Variants in GAS7 observed in about 807,000 individuals in gnomAD.
GAS7 encodes the protein growth arrest specific 7.
In GAS7, 28 loss-of-function variants were observed where a neutral mutation model predicts 71.1. That is an observed-to-expected ratio of 0.39 (90% CI 0.29 to 0.54). The LOEUF (loss-of-function observed/expected upper bound fraction) is 0.54, where lower values mean the gene tolerates loss of function less well. Among genes scored for constraint, GAS7 ranks in the 20% least tolerant of loss-of-function variants. GAS7 has a pLI of 0.62. For synonymous variants in GAS7, 258 were observed against 245.8 expected (o/e 1.05, Z -0.46); for missense variants, 436 against 627.8 (o/e 0.69, Z 3.27).
At chr17:10,041,110 C>T (rs192764206) in intron 1 of GAS7, among the ~76,000 whole-genome samples, 3 of 146,228 alleles carry the variant, frequency 2.1e-5, no homozygotes, top group South Asian at 4.4e-4. Flanking sequence ...TGCAGTGAGC[C>T]AAGATCGTGC....
intron 6 of GAS7, among the ~76,000 whole-genome samples, chr17:9,946,639 C>T (rs889359346): frequency 2.6e-5 from 4 of 152,188 alleles, no homozygotes; most frequent in African/African-American, 9.7e-5. Flanking sequence ...GAAAATGGCC[C>T]CCCGCTTACC....
At chr17:10,105,480 C>A (rs1397602524) in intron 1 of GAS7, among the ~76,000 whole-genome samples, 5 of 152,178 alleles carry the variant, frequency 3.3e-5, no homozygotes, top group African/African-American at 1.2e-4. Context: ...GCATCCCTGT[C>A]CCTGCAGAAA....
intron 6 of GAS7, among the ~76,000 whole-genome samples, chr17:9,945,867 C>A (rs769693904): frequency 1.3e-5 from 2 of 151,684 alleles, no homozygotes; most frequent in Non-Finnish European, 2.9e-5. Context: ...ATCTGTAGTC[C>A]CAGCTGCTCA....
At chr17:10,003,743 T>A (rs1212871134) in intron 2 of GAS7, among the ~76,000 whole-genome samples, 1 of 152,208 alleles carries the variant, frequency 6.6e-6, no homozygotes, top group Non-Finnish European at 1.5e-5. Flanking sequence ...AAGACCCTCA[T>A]GCCATCTCAG....
chr17:10,020,463 G>A (rs181665808), intron 1 of GAS7, among the ~76,000 whole-genome samples: 41 of 152,306 alleles, frequency 2.7e-4, no homozygotes, highest in African/African-American at 9.4e-4. Flanking sequence ...ACGAGGACTC[G>A]GAGACAGAGC....
rs540734579 is a variant in GAS7 at position 9,926,481 on chromosome 17, G to A, written c.1014+160C>T. 2.0e-5 allele frequency among the ~76,000 whole-genome samples: 3 copies of A among 152,328 alleles called. No individual in the cohort carries two copies. The South Asian group carries it at 6.2e-4, about 32-fold the overall frequency. On this transcript the variant is annotated intron_variant, in intron 10 of 13. Coordinates refer to ENST00000432992, the MANE Select transcript of GAS7 (RefSeq NM_201433.2). This position sits in a 1 kb window ranked among gnomAD's most constrained non-coding sequence, Gnocchi z 5.0. ...TCCTATCTGCCCTTGGATGGGTGGG[G>A]TGCTCTGGCGTAGGCACGAGGCTTG...
At chr17:10,121,882 C>T (rs2073907153) in intron 1 of GAS7, among the ~76,000 whole-genome samples, 1 of 152,188 alleles carries the variant, frequency 6.6e-6, no homozygotes. Context: ...GCATGGAATG[C>T]ACCCCCTCCC....
Position 10,009,877 on chromosome 17 carries a change from T to TA in GAS7, c.304+9899dup, listed in dbSNP as rs539712624. ...CTCTCCTGGACTTGGGTTCATGCTT[T>TA]AAAAAGATGCATAGGTTTCCCTTAA... On this transcript the variant is annotated intron_variant, in intron 2 of 13. Transcript: ENST00000432992. Among the ~76,000 whole-genome samples the TA allele has an allele frequency of 6.6e-4, 100 of 152,216 alleles. 1 individual carries two copies. In the East Asian group the frequency reaches 0.017, roughly 25 times the overall value.
rs181705734 is a variant in GAS7 at position 10,084,327 on chromosome 17, T to C, written c.184-64430A>G. Among the ~76,000 whole-genome samples, 21 of 152,290 alleles carry C rather than the reference T, an allele frequency of 1.4e-4. No homozygotes were observed. In the East Asian group the frequency reaches 3.1e-3, roughly 22 times the overall value. On this transcript the variant is annotated intron_variant, in intron 1 of 13. Transcript: ENST00000432992. ...GGTAGAGTTGTCTATTTAATAATCA[T>C]AGTGGTCCTATTAGAAGTCAAAGGG...
chr17:9,927,290 TACACACACACACACACACACACAC>T (rs371084335), intron 9 of GAS7, among the ~76,000 whole-genome samples: 11 of 116,940 alleles, frequency 9.4e-5, no homozygotes, highest in Middle Eastern at 4.1e-3. Flanking sequence ...CTCTACTACA[TACACACACACACACACACACACAC>T]ACACACACAC....
At chr17:10,044,387 T>C (rs2072917351) in intron 1 of GAS7, among the ~76,000 whole-genome samples, 1 of 152,232 alleles carries the variant, frequency 6.6e-6, no homozygotes, top group Non-Finnish European at 1.5e-5. Flanking sequence ...CTACAGTATA[T>C]ACTATGGCTA....
intron 5 of GAS7, among the ~76,000 whole-genome samples, chr17:9,951,494 T>C (rs3786109): frequency 0.51 from 77,763 of 152,008 alleles, 22,247 homozygotes; most frequent in African/African-American, 0.78. Context: ...CGGTGGCTCA[T>C]GCCTGTAATC....
intron 8 of GAS7, 119 bp downstream of exon 8, chr17:9,940,007 G>A: frequency 2.6e-6 from 2 of 759,882 alleles, no homozygotes; most frequent in Non-Finnish European, 4.8e-6. Flanking sequence ...CTTGAGCCAG[G>A]CCTATGGAGA....
In GAS7 at chr17:9,940,152, C is replaced by T; in HGVS notation, c.780G>A (p.Gln260=). The T allele has an allele frequency of 6.2e-7, 1 of 1,609,850 alleles. No individual in the cohort carries two copies. Among genetic ancestry groups the T allele is most frequent in the South Asian group, 1.1e-5 (1 of 90,994 alleles). The change falls in exon 8 of 14, where the codon CAG becomes CAA. Residue 260 remains glutamine, a synonymous_variant. Transcript: ENST00000432992. ...DYAKNLAKLS[Q]NSLASQEEGS... ...CTTCCTCCTGTGAAGCCAAGGAGTT[C>T]TGAGAGAGCTTAGCTAAGTTCTTCG...
intron 1 of GAS7, among the ~76,000 whole-genome samples, chr17:10,136,007 G>C (rs994941933): frequency 1.2e-4 from 19 of 152,162 alleles, no homozygotes; most frequent in African/African-American, 4.6e-4. Context: ...CACTGAGCAG[G>C]GGGGTGGTTC....
chr17:9,940,334 T>C, intron 7 of GAS7, 134 bp from the exon 8 acceptor site: 1 of 721,034 alleles, frequency 1.4e-6, no homozygotes. Context: ...GGCTCTTGTC[T>C]GTCTACCTGA....
chr17:10,017,128 CTAAAAAAATAAATAAATAAA>C lies in GAS7; in HGVS notation c.304+2629_304+2648del, dbSNP rs1185997084. Among the ~76,000 whole-genome samples, 413 of 133,656 alleles carry C rather than the reference CTAAAAAAATAAATAAATAAA, an allele frequency of 3.1e-3. 6 individuals carry two copies. Among genetic ancestry groups the C allele is most frequent in the African/African-American group, 0.011 (400 of 36,954 alleles). 87.7% of individuals were successfully genotyped at this position (133,656 alleles called of 152,430 possible). Reference sequence around the variant, plus strand: ...CCTGGGCAACAGAGTGAGACCCTGTCTAAAAAAATAAATAAATAAATAAATAAATAAATAAATAAATAAAT... The same window carrying C: ...CCTGGGCAACAGAGTGAGACCCTGTCTAAATAAATAAATAAATAAATAAAT... On this transcript the variant is annotated intron_variant, in intron 2 of 13. Transcript: ENST00000432992.
rs1363380884 is a variant in GAS7 at position 9,911,741 on chromosome 17, C to T, written c.*5487G>A. 3 of 232,002 alleles carry T rather than the reference C, an allele frequency of 1.3e-5. No homozygotes were observed. In the Admixed American group the frequency reaches 1.7e-4, roughly 13 times the overall value. The allele number at this position is 232,002 out of a possible 1,614,324, so 14.4% of individuals were successfully genotyped here. A position where few individuals can be genotyped will look rare whatever the true frequency, so the allele number is the denominator to read the frequency against. On this transcript the variant is annotated 3_prime_UTR_variant, in exon 14 of 14. Coordinates refer to ENST00000432992, the MANE Select transcript of GAS7 (RefSeq NM_201433.2). The surrounding 1 kb of genome is among the most constrained non-coding windows in gnomAD (Gnocchi z 4.0). ...TCTTCGGCTCCCTACCTTGAGGCCC[C>T]GGGGGCTCAGGCTTCCTGGCCCTAA...
At chr17:10,138,073 C>T (rs372480041) in intron 1 of GAS7, among the ~76,000 whole-genome samples, 183 of 152,180 alleles carry the variant, frequency 1.2e-3, no homozygotes, top group African/African-American at 4.3e-3. Context: ...TGCCATTCTC[C>T]TGCCTCAGCC....
Sources: allele counts gnomAD v4.1 joint callset (sites outside exome capture counted in the v4.1 genomes callset), GRCh38; gene constraint gnomAD v4.1.1; non-coding constraint Gnocchi (gnomAD v3.1); transcripts MANE v1.5; gene names NCBI Gene and HGNC (gene_info 2026-07-23, HGNC 2026-07-21).